ZBTB20: variants seen among roughly 807,000 people sequenced by gnomAD.
ZBTB20 encodes the protein zinc finger and BTB domain-containing protein 20.
A neutral mutation model predicts 56.9 loss-of-function variants in ZBTB20; 9 were observed. That is an observed-to-expected ratio of 0.16 (90% CI 0.10 to 0.28). The LOEUF (loss-of-function observed/expected upper bound fraction) is 0.28. Ranked by LOEUF, ZBTB20 falls within the 10% of genes least tolerant of loss-of-function variation. ZBTB20 has a pLI of 1.00. For synonymous variants in ZBTB20, 417 were observed against 420.7 expected (o/e 0.99, Z 0.11); for missense variants, 655 against 1,003.0 (o/e 0.65, Z 4.69).
chr3:114,854,437 G>A (rs2075145878), intron 4 of ZBTB20, among the ~76,000 whole-genome samples: 1 of 152,122 alleles, frequency 6.6e-6, no homozygotes, highest in Non-Finnish European at 1.5e-5. Flanking sequence ...CAGTGAGTCT[G>A]CCTCTAGAAA....
intron 7 of ZBTB20, among the ~76,000 whole-genome samples, chr3:114,422,516 T>C (rs769760774): frequency 2.6e-5 from 4 of 152,078 alleles, no homozygotes; most frequent in East Asian, 1.9e-4. Context: ...TGTCAGAAAA[T>C]AGATTTACCC....
intron 7 of ZBTB20, among the ~76,000 whole-genome samples, chr3:114,397,529 T>C (rs192225661): frequency 2.6e-5 from 4 of 152,184 alleles, no homozygotes; most frequent in African/African-American, 7.2e-5. Context: ...CTGTAGCTGA[T>C]AGCATATCAA....
chr3:114,838,274 T>C (rs1439496079), intron 4 of ZBTB20, among the ~76,000 whole-genome samples: 1 of 152,210 alleles, frequency 6.6e-6, no homozygotes, highest in African/African-American at 2.4e-5. Flanking sequence ...TGGTATTTGA[T>C]ACATCAGGTT....
At chr3:114,698,158 T>A (rs965764694) in intron 5 of ZBTB20, among the ~76,000 whole-genome samples, 7 of 152,146 alleles carry the variant, frequency 4.6e-5, no homozygotes, top group Non-Finnish European at 8.8e-5. Context: ...CACGGGAATG[T>A]CATCAGGGTA....
At chr3:114,449,570 A>AAAAC (rs2091473180) in intron 7 of ZBTB20, among the ~76,000 whole-genome samples, 1 of 152,098 alleles carries the variant, frequency 6.6e-6, no homozygotes, top group Non-Finnish European at 1.5e-5. Context: ...AAAACAAAAC[A>AAAAC]AAACAAAACA....
rs1240318653 is a variant in ZBTB20 at position 114,354,849 on chromosome 3, G to A, written c.200-2971C>T. On this transcript the variant is annotated intron_variant, in intron 10 of 11. Transcript: ENST00000675478. The stretch of plus-strand genomic sequence containing the variant: ...CCCGCCTCGGCCTCCCAAAGTGCTG[G>A]GATTACAGGCATGAGCCACTGTGCC... 2.0e-5 allele frequency among the ~76,000 whole-genome samples: 3 copies of A among 152,154 alleles called. No individual in the cohort carries two copies. The East Asian group carries it at 5.8e-4, about 29-fold the overall frequency.
intron 2 of ZBTB20, among the ~76,000 whole-genome samples, chr3:115,043,463 G>C (rs1444989792): frequency 6.6e-6 from 1 of 151,522 alleles, no homozygotes; most frequent in Non-Finnish European, 1.5e-5. Context: ...CAGCTACTCG[G>C]GAGGCTGAGG....
intron 4 of ZBTB20, among the ~76,000 whole-genome samples, chr3:114,832,769 G>A (rs868214855): frequency 2.0e-5 from 3 of 151,990 alleles, no homozygotes; most frequent in Non-Finnish European, 4.4e-5. Context: ...GGCTTCTCCC[G>A]CTTAGACGTG....
At chr3:114,734,628 A>G (rs2065999728) in intron 5 of ZBTB20, among the ~76,000 whole-genome samples, 1 of 152,204 alleles carries the variant, frequency 6.6e-6, no homozygotes. Context: ...ATAAAGATCA[A>G]AACACTTTTG....
intron 3 of ZBTB20, among the ~76,000 whole-genome samples, chr3:114,904,756 T>C (rs557213679): frequency 1.3e-5 from 2 of 152,030 alleles, no homozygotes; most frequent in Admixed American, 6.6e-5. Context: ...AAAAGCTATC[T>C]GCCTATAAGA....
chr3:114,799,153 C>T (rs1441884958), intron 5 of ZBTB20, among the ~76,000 whole-genome samples: 1 of 151,848 alleles, frequency 6.6e-6, no homozygotes, highest in Non-Finnish European at 1.5e-5. Context: ...CTTATTGTAC[C>T]ACTTGTCCCA....
chr3:114,510,926 T>C (rs560804544), intron 6 of ZBTB20, among the ~76,000 whole-genome samples: 17 of 152,038 alleles, frequency 1.1e-4, no homozygotes, highest in Non-Finnish European at 2.5e-4. Context: ...CTCATGTTTT[T>C]CCAGATTTAT....
intron 3 of ZBTB20, among the ~76,000 whole-genome samples, chr3:114,972,482 T>A (rs1170136577): frequency 6.6e-6 from 1 of 152,104 alleles, no homozygotes; most frequent in African/African-American, 2.4e-5. Flanking sequence ...GATGGAAAAA[T>A]ACACGGGATA....
intron 6 of ZBTB20, among the ~76,000 whole-genome samples, chr3:114,678,473 A>T (rs2061769451): frequency 6.6e-6 from 1 of 152,160 alleles, no homozygotes; most frequent in Non-Finnish European, 1.5e-5. Flanking sequence ...TCACCTCCAC[A>T]CTGAAGATAT....
chr3:114,770,042 G>C (rs965977226), intron 5 of ZBTB20, among the ~76,000 whole-genome samples: 1 of 150,276 alleles, frequency 6.7e-6, no homozygotes, highest in East Asian at 2.0e-4. Context: ...CTGGGCAACA[G>C]AGCAAGACTC....
chr3:114,663,412 C>T (rs1168753660), intron 6 of ZBTB20, among the ~76,000 whole-genome samples: 85 of 147,294 alleles, frequency 5.8e-4, no homozygotes, highest in African/African-American at 1.9e-3. Context: ...AAGGAACAAC[C>T]GGTACCAGCC....
rs1330832552 is a variant in ZBTB20 at position 114,856,881 on chromosome 3, G to A, written c.-417+43423C>T. On this transcript the variant is annotated intron_variant, in intron 4 of 11. Transcript: ENST00000675478. ...TGTATTACTCCAATTTAATTTATGA[G>A]TCAGCACCATCCACCTTCAAAATGT... 9.2e-5 allele frequency among the ~76,000 whole-genome samples: 14 copies of A among 152,062 alleles called. No homozygotes were observed. In the East Asian group the frequency reaches 2.7e-3, roughly 29 times the overall value.
At chr3:114,607,137 C>T (rs1400503417) in intron 6 of ZBTB20, among the ~76,000 whole-genome samples, 1 of 151,786 alleles carries the variant, frequency 6.6e-6, no homozygotes, top group African/African-American at 2.4e-5. Flanking sequence ...AATTCTTTTG[C>T]CCCAACATTT....
chr3:115,048,526 TG>T (rs553336593), intron 2 of ZBTB20, among the ~76,000 whole-genome samples: 49 of 152,264 alleles, frequency 3.2e-4, no homozygotes, highest in Non-Finnish European at 5.6e-4. Context: ...TCAACAGAAA[TG>T]TCTGTCATTT....
Sources: allele counts gnomAD v4.1 joint callset (sites outside exome capture counted in the v4.1 genomes callset), GRCh38; gene constraint gnomAD v4.1.1; transcripts MANE v1.5; gene names NCBI Gene and HGNC (gene_info 2026-07-23, HGNC 2026-07-21).